The following COPB1 variants were observed in gnomAD, a reference collection of about 807,000 sequenced individuals.
COPB1 encodes the protein coat protein complex I subunit beta 1.
In COPB1, 21 loss-of-function variants were observed where a neutral mutation model predicts 108.7. That is an observed-to-expected ratio of 0.19 (90% CI 0.14 to 0.28). The LOEUF (loss-of-function observed/expected upper bound fraction) is 0.28. Ranked by LOEUF, COPB1 falls within the 10% of genes least tolerant of loss-of-function variation. The probability of loss-of-function intolerance (pLI) is 1.00; values close to 1 mark genes in which losing one functional copy is unlikely to be tolerated. For synonymous variants in COPB1, 378 were observed against 386.8 expected (o/e 0.98, Z 0.27); for missense variants, 919 against 1,141.3 (o/e 0.81, Z 2.81).
intron 11 of COPB1, among the ~76,000 whole-genome samples, chr11:14,478,252 T>G (rs1039710757): frequency 5.3e-5 from 8 of 151,744 alleles, no homozygotes; most frequent in Non-Finnish European, 7.4e-5. Flanking sequence ...AAGGCAAATT[T>G]GGCTTAATCT....
intron 4 of COPB1, among the ~76,000 whole-genome samples, chr11:14,493,434 A>C (rs558470725): frequency 6.6e-6 from 1 of 152,390 alleles, no homozygotes; most frequent in East Asian, 1.9e-4. Context: ...ACTGTTATAC[A>C]AGTTCAGCAG....
chr11:14,475,044 T>C (rs1414460349), intron 13 of COPB1, among the ~76,000 whole-genome samples: 1 of 129,932 alleles, frequency 7.7e-6, no homozygotes, highest in Non-Finnish European at 1.5e-5. Context: ...CAGTGAGCCA[T>C]GATCGCGCCA....
At chr11:14,486,069 A>T (rs1271911790) in intron 7 of COPB1, among the ~76,000 whole-genome samples, 3 of 152,172 alleles carry the variant, frequency 2.0e-5, no homozygotes, top group Non-Finnish European at 4.4e-5. Flanking sequence ...TTGCTGTCTC[A>T]GGAGTAGCAG....
At chr11:14,474,451 C>T in intron 14 of COPB1, 44 bp downstream of exon 14, 1 of 1,586,368 alleles carries the variant, frequency 6.3e-7, no homozygotes, top group Non-Finnish European at 8.6e-7. Flanking sequence ...ATAGTAGGCA[C>T]TCAATGTTTA....
intron 12 of COPB1, 27 bp from the exon 13 acceptor site, chr11:14,475,972 T>C (rs1850512015): frequency 1.9e-6 from 3 of 1,553,438 alleles, no homozygotes; most frequent in Non-Finnish European, 2.6e-6. Context: ...AACATCATTT[T>C]AGTAATAGTA....
At chr11:14,499,040 A>C in intron 1 of COPB1, 55 bp from the exon 2 acceptor site, 1 of 831,574 alleles carries the variant, frequency 1.2e-6, no homozygotes, top group Non-Finnish European at 1.9e-6. Flanking sequence ...AAACCCACAA[A>C]CAAGTACCTA....
rs192145782 is a variant in COPB1, at chr11:14,486,199, A to G, written c.837+168T>C. 3.3e-5 allele frequency among the ~76,000 whole-genome samples: 5 copies of G among 152,354 alleles called. No individual in the cohort carries two copies. The East Asian group carries it at 9.6e-4, about 29-fold the overall frequency. ...ATATGTGTGTATGAAAGCAGGAAGG[A>G]AGAAAAGAAGGAAGGCTGAACAATG... On this transcript the variant is annotated intron_variant, in intron 7 of 21. Transcript: ENST00000439561.
In COPB1 at chr11:14,478,326, G is replaced by C. The variant is rs372167941; in HGVS notation, c.1358+1243C>G. On this transcript the variant is annotated intron_variant, in intron 11 of 21. Coordinates refer to ENST00000439561, the MANE Select transcript of COPB1 (RefSeq NM_001144061.2). ...ACTGTGGCTCACACCTGTAATCTCAGCATCTGGGGAGGATGAGGTGGGAGG... is the reference window on the plus strand; with the variant it reads ...ACTGTGGCTCACACCTGTAATCTCACCATCTGGGGAGGATGAGGTGGGAGG... 1.0e-3 allele frequency among the ~76,000 whole-genome samples: 156 copies of C among 151,480 alleles called. 1 individual carries two copies. The highest frequency in any genetic ancestry group is 3.7e-3 in the African/African-American group (152 of 41,454).
At chr11:14,464,213 C>T (rs555359566) in intron 18 of COPB1, among the ~76,000 whole-genome samples, 1 of 152,284 alleles carries the variant, frequency 6.6e-6, no homozygotes, top group South Asian at 2.1e-4. Context: ...TTCTACTGAG[C>T]ACTTGCTCCT....
intron 2 of COPB1, chr11:14,494,872 A>G (rs1428259412): frequency 6.5e-6 from 1 of 153,188 alleles, no homozygotes; most frequent in Non-Finnish European, 1.5e-5. Context: ...CTATTATGGG[A>G]GGATAAATAT....
chr11:14,497,919 T>C (rs1851061397), intron 2 of COPB1, among the ~76,000 whole-genome samples: 1 of 152,254 alleles, frequency 6.6e-6, no homozygotes, highest in Admixed American at 6.5e-5. Context: ...GAGGTCATTA[T>C]GTTACATGAA....
chr11:14,495,454 T>C (rs1163347350), intron 2 of COPB1, among the ~76,000 whole-genome samples: 1 of 152,250 alleles, frequency 6.6e-6, no homozygotes, highest in East Asian at 1.9e-4. Context: ...GCTAAGCGGC[T>C]ATGAAACAGA....
intron 5 of COPB1, among the ~76,000 whole-genome samples, chr11:14,488,924 G>A (rs1850834504): frequency 1.3e-5 from 2 of 152,198 alleles, no homozygotes; most frequent in South Asian, 4.2e-4. Context: ...AGACCTAAAA[G>A]AAAAATCTCC....
chr11:14,483,939 A>C (rs1850714793), intron 7 of COPB1, among the ~76,000 whole-genome samples: 2 of 152,230 alleles, frequency 1.3e-5, no homozygotes, highest in African/African-American at 4.8e-5. Flanking sequence ...CACTAGAAGA[A>C]ATCATAAAAC....
intron 18 of COPB1, among the ~76,000 whole-genome samples, chr11:14,463,428 C>T (rs1173416498): frequency 6.6e-6 from 1 of 152,234 alleles, no homozygotes; most frequent in Non-Finnish European, 1.5e-5. Flanking sequence ...AGCTATTCTC[C>T]TGCCTCAGCC....
Position 14,479,667 on chromosome 11 carries a change from G to A in COPB1, c.1260C>T (p.Val420=), listed in dbSNP as rs576190243. The stretch of plus-strand genomic sequence containing the variant: ...GAATGGCTTCACGAACAAACTCCAA[G>A]ACATCAGCAGCTGCTGCTTCGTTGT... ...SDNNEAAAAD[V]LEFVREAIQR... Residue 420 remains valine, a synonymous_variant, in exon 11 of 22, where the codon GTC becomes GTT. Transcript: ENST00000439561. 3.7e-6 allele frequency: 6 copies of A among 1,606,886 alleles called. No homozygotes were observed. The African/African-American group carries it at 5.4e-5, about 15-fold the overall frequency.
In COPB1 at chr11:14,480,785, C is replaced by T; in HGVS notation, c.1186G>A (p.Asp396Asn). The change falls in exon 10 of 22, where the codon GAT becomes AAT. Residue 396 changes from aspartate to asparagine, a missense_variant. Physicochemically the swap from Asp to Asn is conservative, Grantham distance 23 (BLOSUM62 1). Coordinates refer to ENST00000439561, the MANE Select transcript of COPB1 (RefSeq NM_001144061.2). Reference protein sequence around the residue: ...TLHSCSVRFPDMAANVIPVLM... With the variant: ...TLHSCSVRFPNMAANVIPVLM... ...ACAGGAATAACATTTGCAGCCATAT[C>T]TGGAAATCGGACAGAACAGGAATGC... is the stretch of plus-strand genomic sequence containing the variant. The T allele has an allele frequency of 6.2e-7, 1 of 1,613,860 alleles. No homozygotes were observed. Among genetic ancestry groups the T allele is most frequent in the Non-Finnish European group, 8.5e-7 (1 of 1,179,900 alleles).
chr11:14,459,323 A>G (rs1264260238), intron 20 of COPB1, among the ~76,000 whole-genome samples: 1 of 152,226 alleles, frequency 6.6e-6, no homozygotes, highest in African/African-American at 2.4e-5. Flanking sequence ...TGTTGGACTC[A>G]GTATATGCTG....
chr11:14,492,574 C>T (rs1477693068), intron 4 of COPB1, among the ~76,000 whole-genome samples: 3 of 151,766 alleles, frequency 2.0e-5, no homozygotes, highest in African/African-American at 7.3e-5. Context: ...AACTCCCGAC[C>T]TCAGGTTATC....
Sources: allele counts gnomAD v4.1 joint callset (sites outside exome capture counted in the v4.1 genomes callset), GRCh38; gene constraint gnomAD v4.1.1; transcripts MANE v1.5; gene names NCBI Gene and HGNC (gene_info 2026-07-23, HGNC 2026-07-21).